GLRA2: variants seen among roughly 807,000 people sequenced by gnomAD.
The protein encoded by GLRA2 is glycine receptor subunit alpha-2.
In GLRA2, 11 loss-of-function variants were observed where a neutral mutation model predicts 31.6. The observed-to-expected ratio is 0.35, with a 90% CI of 0.22 to 0.58. GLRA2 has a LOEUF of 0.58. Ranked by LOEUF, GLRA2 falls within the 20% of genes least tolerant of loss-of-function variation. The probability of loss-of-function intolerance (pLI) is 0.84; values close to 1 mark genes in which losing one functional copy is unlikely to be tolerated. For missense variants in GLRA2, 212 were observed against 351.8 expected (o/e 0.60, Z 3.18); for synonymous variants, 132 against 134.0 (o/e 0.99, Z 0.10).
At chrX:14,539,958 T>A (rs2089379273) in intron 2 of GLRA2, among the ~76,000 whole-genome samples, 1 of 111,702 alleles carries the variant, frequency 9.0e-6, no homozygotes, top group Admixed American at 9.5e-5. Context: ...TTACATGTAA[T>A]GGTTTTACAT....
intron 2 of GLRA2, among the ~76,000 whole-genome samples, chrX:14,573,692 T>G (rs1192203546): frequency 9.1e-6 from 1 of 109,360 alleles, no homozygotes; most frequent in African/African-American, 3.3e-5. Flanking sequence ...GATGCAATAA[T>G]CCTTGCTTTA....
At position 14,724,502 on chromosome X, in the gene GLRA2, T is replaced by C. The variant is rs1202262986; in HGVS notation, c.1081-5705T>C. Among the ~76,000 whole-genome samples, 9 of 107,994 alleles carry C rather than the reference T, an allele frequency of 8.3e-5. No individual in the cohort carries two copies. In the South Asian group the frequency reaches 3.7e-3, roughly 45 times the overall value. 93.8% of individuals were successfully genotyped at this position (107,994 alleles called of 115,157 possible). Reference sequence around the variant, plus strand: ...TTAGCTGGACATGGTGGTGGGCACCTGTAATCCCAGCTACTCGGGAGGCTG... The same window carrying C: ...TTAGCTGGACATGGTGGTGGGCACCCGTAATCCCAGCTACTCGGGAGGCTG... On this transcript the variant is annotated intron_variant, in intron 8 of 8. Coordinates refer to ENST00000218075, the MANE Select transcript of GLRA2 (RefSeq NM_002063.4).
At chrX:14,729,736 G>A (rs185198951) in intron 8 of GLRA2, among the ~76,000 whole-genome samples, 9 of 111,284 alleles carry the variant, frequency 8.1e-5, no homozygotes, top group South Asian at 3.8e-4. Flanking sequence ...GGGGAATTGC[G>A]CTGTGAATGA....
At chrX:14,574,959 TC>T (rs1192356321) in intron 3 of GLRA2, among the ~76,000 whole-genome samples, 1 of 110,022 alleles carries the variant, frequency 9.1e-6, no homozygotes, top group Non-Finnish European at 1.9e-5. Flanking sequence ...TAGTTGAGCC[TC>T]CCTTCGATGC....
the GLRA2 span, among the ~76,000 whole-genome samples, chrX:14,453,118 G>C: frequency 8.9e-6 from 1 of 111,975 alleles, no homozygotes; most frequent in Non-Finnish European, 1.9e-5. Context: ...AAAAGAGAAA[G>C]AGAGTGGAGT....
At chrX:14,597,874 C>A (rs10127228) in intron 4 of GLRA2, among the ~76,000 whole-genome samples, 30,689 of 110,880 alleles carry the variant, frequency 0.28, 3,172 homozygotes, top group Non-Finnish European at 0.31. Flanking sequence ...GCTTATCTCA[C>A]AAATGGAGGT....
In GLRA2 at chrX:14,591,580, G is replaced by T. The variant is rs779279727; in HGVS notation, c.494+10174G>T. On this transcript the variant is annotated intron_variant, in intron 4 of 8. Coordinates refer to ENST00000218075, the MANE Select transcript of GLRA2 (RefSeq NM_002063.4). ...TAGCCGTGCTGGCAGCTGATTAGAT[G>T]ATGTGCCTAGCCAGATTGAGGGTGG... 6.2e-5 allele frequency among the ~76,000 whole-genome samples: 7 copies of T among 112,080 alleles called. No individual in the cohort carries two copies. In the South Asian group the frequency reaches 2.6e-3, roughly 42 times the overall value.
At chrX:14,582,875 A>T (rs1317851744) in intron 4 of GLRA2, among the ~76,000 whole-genome samples, 42 of 111,727 alleles carry the variant, frequency 3.8e-4, no homozygotes, top group African/African-American at 1.3e-3. Context: ...AAACAATTGG[A>T]CACGGCTGTG....
chrX:14,469,869 T>C, the GLRA2 span, among the ~76,000 whole-genome samples: 3 of 110,741 alleles, frequency 2.7e-5, no homozygotes, highest in African/African-American at 9.8e-5. Context: ...AAAACAAAGC[T>C]AATATTATTT....
intron 8 of GLRA2, among the ~76,000 whole-genome samples, chrX:14,712,687 G>A (rs1472623634): frequency 3.7e-5 from 4 of 106,953 alleles, no homozygotes; most frequent in Non-Finnish European, 7.7e-5. Context: ...AGTAACTGGG[G>A]GGGTTAAGGT....
At chrX:14,543,236 CAAAAAAAAAAAAA>C (rs60906048) in intron 2 of GLRA2, among the ~76,000 whole-genome samples, 4 of 23,376 alleles carry the variant, frequency 1.7e-4, no homozygotes, top group African/African-American at 1.6e-4. Flanking sequence ...TTGTCATCTG[CAAAAAAAAAAAAA>C]AAAAAAAAAA....
At chrX:14,600,517 A>AT (rs916648017) in intron 4 of GLRA2, among the ~76,000 whole-genome samples, 1 of 111,161 alleles carries the variant, frequency 9.0e-6, no homozygotes, top group Non-Finnish European at 1.9e-5. Flanking sequence ...TATAATGAAC[A>AT]TTTTTTTAAT....
the GLRA2 span, among the ~76,000 whole-genome samples, chrX:14,465,669 G>A: frequency 8.9e-6 from 1 of 112,141 alleles, no homozygotes; most frequent in Admixed American, 9.4e-5. Flanking sequence ...TTTCTCAAGT[G>A]TCCTCTACTT....
chrX:14,606,103 A>G (rs1443903902), intron 5 of GLRA2, among the ~76,000 whole-genome samples: 3 of 106,475 alleles, frequency 2.8e-5, no homozygotes, highest in Non-Finnish European at 5.8e-5. Context: ...ATTTCTGGGT[A>G]GCTCTGGCGA....
At chrX:14,700,369 G>A (rs2091521791) in intron 8 of GLRA2, among the ~76,000 whole-genome samples, 1 of 110,699 alleles carries the variant, frequency 9.0e-6, no homozygotes, top group Non-Finnish European at 1.9e-5. Context: ...TGTAAGGGAA[G>A]GCAGTGTAAG....
At chrX:14,463,428 T>C in the GLRA2 span, among the ~76,000 whole-genome samples, 2 of 111,855 alleles carry the variant, frequency 1.8e-5, no homozygotes, top group Non-Finnish European at 3.8e-5. Context: ...TGTCTGCTGC[T>C]TTTTGTTCAG....
chrX:14,681,908 AAAATAT>A (rs1335905231), intron 7 of GLRA2, among the ~76,000 whole-genome samples: 2 of 38,896 alleles, frequency 5.1e-5, no homozygotes, highest in Admixed American at 2.5e-4. Flanking sequence ...AAAAAAAAAA[AAAATAT>A]ATATATATAT....
chrX:14,506,444 T>C, the GLRA2 span, among the ~76,000 whole-genome samples: 8 of 111,624 alleles, frequency 7.2e-5, no homozygotes, highest in African/African-American at 2.6e-4. Context: ...TTTGCCATGT[T>C]GGCTTCCAAT....
intron 1 of GLRA2, chrX:14,531,182 A>G (rs2089250278): frequency 4.4e-6 from 4 of 917,634 alleles, no homozygotes; most frequent in South Asian, 2.1e-5. Context: ...TGAGAATGTG[A>G]GTATTTATGC....
Sources: allele counts gnomAD v4.1 joint callset (sites outside exome capture counted in the v4.1 genomes callset), GRCh38; gene constraint gnomAD v4.1.1; transcripts MANE v1.5; gene names NCBI Gene and HGNC (gene_info 2026-07-23, HGNC 2026-07-21).